Variants in HS6ST3 observed in about 807,000 individuals in gnomAD.
HS6ST3 encodes the protein heparan-sulfate 6-O-sulfotransferase 3.
A neutral mutation model predicts 36.7 loss-of-function variants in HS6ST3; 12 were observed. The ratio of observed to expected loss-of-function variants is 0.33; its 90% confidence interval spans 0.21 to 0.53. The LOEUF is 0.53. Ranked by LOEUF, HS6ST3 falls within the 20% of genes least tolerant of loss-of-function variation. HS6ST3 has a pLI of 0.95. For synonymous variants in HS6ST3, 240 were observed against 257.5 expected (o/e 0.93, Z 0.65); for missense variants, 584 against 640.9 (o/e 0.91, Z 0.96).
chr13:96,275,855 C>CTCTT (rs1555295065), intron 1 of HS6ST3, among the ~76,000 whole-genome samples: 6 of 142,688 alleles, frequency 4.2e-5, no homozygotes, highest in Non-Finnish European at 7.6e-5. Flanking sequence ...CTCTGTCTCT[C>CTCTT]TTTTTTTTTT....
intron 1 of HS6ST3, among the ~76,000 whole-genome samples, chr13:96,494,959 G>A (rs1313330506): frequency 6.6e-6 from 1 of 152,118 alleles, no homozygotes; most frequent in Non-Finnish European, 1.5e-5. Flanking sequence ...GACAAATCTG[G>A]CTTCGTGTGC....
At chr13:96,359,429 T>C (rs1030369651) in intron 1 of HS6ST3, among the ~76,000 whole-genome samples, 1 of 152,220 alleles carries the variant, frequency 6.6e-6, no homozygotes, top group East Asian at 1.9e-4. Context: ...CTTATGTAGG[T>C]TGATTAATCA....
chr13:96,788,158 C>T (rs546103126), intron 1 of HS6ST3, among the ~76,000 whole-genome samples: 1 of 151,964 alleles, frequency 6.6e-6, no homozygotes, highest in African/African-American at 2.4e-5. Context: ...TATAGTAAGC[C>T]TTAAAATCAG....
At chr13:96,828,135 T>C (rs146147709) in intron 1 of HS6ST3, among the ~76,000 whole-genome samples, 2 of 152,324 alleles carry the variant, frequency 1.3e-5, no homozygotes, top group East Asian at 1.9e-4. Flanking sequence ...AAAATGGTGA[T>C]TGGCAAAAGC....
chr13:96,275,798 G>T, intron 1 of HS6ST3, among the ~76,000 whole-genome samples: 1 of 150,824 alleles, frequency 6.6e-6, no homozygotes, highest in African/African-American at 2.4e-5. Flanking sequence ...TGAAATGTCA[G>T]TAGCTGTGAA....
Position 96,279,853 on chromosome 13 carries a change from T to C in HS6ST3, c.707+188284T>C, listed in dbSNP as rs994139233. Among the ~76,000 whole-genome samples, 4 of 152,160 alleles carry C rather than the reference T, an allele frequency of 2.6e-5. No homozygotes were observed. In the East Asian group the frequency reaches 7.7e-4, roughly 29 times the overall value. The stretch of plus-strand genomic sequence containing the variant: ...GCACCTATAGTTTGGTGTTCAGAGG[T>C]TTCTTCTCAGTGTCACCTCATAAAA... On this transcript the variant is annotated intron_variant, in intron 1 of 1. Coordinates refer to ENST00000376705, the MANE Select transcript of HS6ST3 (RefSeq NM_153456.4).
At chr13:96,402,693 G>A (rs145441728) in intron 1 of HS6ST3, among the ~76,000 whole-genome samples, 3 of 152,262 alleles carry the variant, frequency 2.0e-5, no homozygotes, top group Non-Finnish European at 2.9e-5. Flanking sequence ...CTTTTGTGTC[G>A]TGCTTTTATT....
intron 1 of HS6ST3, among the ~76,000 whole-genome samples, chr13:96,410,997 C>G (rs1237041098): frequency 6.6e-6 from 1 of 152,096 alleles, no homozygotes; most frequent in African/African-American, 2.4e-5. Flanking sequence ...TGGTAAATTT[C>G]CAGTTTAAAG....
At chr13:96,641,448 TATC>T (rs1366940249) in intron 1 of HS6ST3, among the ~76,000 whole-genome samples, 2 of 151,876 alleles carry the variant, frequency 1.3e-5, no homozygotes, top group Non-Finnish European at 2.9e-5. Context: ...TATAGAATCA[TATC>T]ATCCATGAAG....
chr13:96,107,042 G>A (rs911510945), intron 1 of HS6ST3, among the ~76,000 whole-genome samples: 8 of 152,202 alleles, frequency 5.3e-5, no homozygotes, highest in African/African-American at 1.9e-4. Flanking sequence ...GTTTTACCCA[G>A]TGAGTAGCAA....
chr13:96,516,779 T>C (rs2056074432), intron 1 of HS6ST3, among the ~76,000 whole-genome samples: 1 of 152,202 alleles, frequency 6.6e-6, no homozygotes, highest in Admixed American at 6.5e-5. Context: ...TAGCCTCAGC[T>C]ATTGCCACAA....
chr13:96,129,468 C>T (rs917769028), intron 1 of HS6ST3, among the ~76,000 whole-genome samples: 11 of 152,174 alleles, frequency 7.2e-5, no homozygotes, highest in Non-Finnish European at 1.6e-4. Flanking sequence ...TGTTCTGGTT[C>T]TTGTGGTTCT....
intron 1 of HS6ST3, among the ~76,000 whole-genome samples, chr13:96,105,159 A>G (rs1201674772): frequency 6.6e-6 from 1 of 152,048 alleles, no homozygotes. Context: ...ACATAGGATC[A>G]GACTAATTTG....
chr13:96,627,104 G>C (rs1479609883), intron 1 of HS6ST3, among the ~76,000 whole-genome samples: 1 of 151,956 alleles, frequency 6.6e-6, no homozygotes. Flanking sequence ...AGTCATCCTT[G>C]TTCTGTTCTG....
intron 1 of HS6ST3, among the ~76,000 whole-genome samples, chr13:96,766,095 A>T (rs1336580464): frequency 6.6e-6 from 1 of 152,218 alleles, no homozygotes; most frequent in Non-Finnish European, 1.5e-5. Flanking sequence ...AAAAAGCATA[A>T]GAAAAATAGC....
intron 1 of HS6ST3, among the ~76,000 whole-genome samples, chr13:96,616,108 T>C (rs1369649470): frequency 6.6e-5 from 10 of 152,208 alleles, no homozygotes; most frequent in East Asian, 5.8e-4. Context: ...GAAAAACTTA[T>C]AGAAGCCATT....
At chr13:96,267,529 T>G (rs559303354) in intron 1 of HS6ST3, among the ~76,000 whole-genome samples, 3 of 152,182 alleles carry the variant, frequency 2.0e-5, no homozygotes, top group African/African-American at 7.2e-5. Flanking sequence ...CCTGATTATT[T>G]GAATGTCCTT....
chr13:96,419,081 T>A (rs148942351), intron 1 of HS6ST3, among the ~76,000 whole-genome samples: 119 of 152,374 alleles, frequency 7.8e-4, no homozygotes, highest in African/African-American at 2.8e-3. Flanking sequence ...GTCAATTGAA[T>A]AGGCGGATGC....
intron 1 of HS6ST3, among the ~76,000 whole-genome samples, chr13:96,241,786 CTTT>C (rs1235986148): frequency 9.9e-5 from 13 of 131,400 alleles, no homozygotes; most frequent in Non-Finnish European, 1.5e-4. Context: ...TTTTTTCTTT[CTTT>C]TTTTTTTTTT....
Sources: gnomAD v4.1 joint callset for allele counts (sites outside exome capture counted in the v4.1 genomes callset) on GRCh38, gnomAD v4.1.1 for gene constraint, MANE v1.5 for transcripts, NCBI Gene and HGNC (gene_info 2026-07-23, HGNC 2026-07-21) for gene names.